Variants in RYR1 observed in about 807,000 individuals in gnomAD.
RYR1 encodes ryanodine receptor 1.
In RYR1, 342 loss-of-function variants were observed where a neutral mutation model predicts 583.5. The observed-to-expected ratio is 0.59, with a 90% confidence interval of 0.54 to 0.64. RYR1 has a LOEUF of 0.64. Among genes scored for constraint, RYR1 ranks in the 30% least tolerant of loss-of-function variants. RYR1 has a pLI of 0.00. For synonymous variants in RYR1, 2,791 were observed against 2,822.5 expected, an observed-to-expected ratio of 0.99 and a Z score of 0.35; for missense variants, 6,032 against 6,917.2, an observed-to-expected ratio of 0.87 and a Z score of 4.54.
intron 72 of RYR1, 33 bp from the exon 73 acceptor site, chr19:38,527,614 C>T (rs201567162): frequency 1.6e-4 from 257 of 1,613,128 alleles, no homozygotes; most frequent in Non-Finnish European, 2.1e-4. Flanking sequence ...GGAAGGGTCC[C>T]TCACGCCGGC....
intron 78 of RYR1, among the ~76,000 whole-genome samples, chr19:38,533,719 G>A (rs544265667): frequency 3.3e-5 from 5 of 150,924 alleles, no homozygotes; most frequent in Non-Finnish European, 5.9e-5. Context: ...TTGAACCCGC[G>A]AGGTGGAAGT....
chr19:38,496,750 A>G lies in RYR1; in HGVS notation c.6797-110A>G, dbSNP rs1023424537. On this transcript the variant is annotated intron_variant, in intron 41 of 105. Coordinates refer to ENST00000359596, the MANE Select transcript of RYR1 (RefSeq NM_000540.3). The surrounding 1 kb of genome is among the most constrained non-coding windows in gnomAD (Gnocchi z 4.8). ...CAGAGCTTGGATGAGGGAAGTACAGACCAGAGGAGGCACCTGATCCAGGCT... is the reference window on the plus strand; with the variant it reads ...CAGAGCTTGGATGAGGGAAGTACAGGCCAGAGGAGGCACCTGATCCAGGCT... 17 of 1,194,656 alleles carry G rather than the reference A, an allele frequency of 1.4e-5. No homozygotes were observed. In the African/African-American group the frequency reaches 2.6e-4, roughly 18 times the overall value. The allele number at this position is 1,194,656 out of a possible 1,614,324, so 74.0% of individuals were successfully genotyped here.
intron 92 of RYR1, 146 bp downstream of exon 92, chr19:38,567,133 C>G: frequency 7.6e-7 from 1 of 1,318,246 alleles, no homozygotes; most frequent in East Asian, 2.5e-5. Flanking sequence ...GGAGGAGGGG[C>G]TCTGAGTAAA....
rs2229142 is a variant in RYR1 at position 38,502,907 on chromosome 19, C to T, written c.7863C>T (p.His2621=). The part of the protein sequence containing the change: ...CRYIRPSMLQ[H]LLRRLVFDVP... Reference sequence around the variant, plus strand: ...ACATCCGCCCGTCGATGCTGCAGCACCTGTTGCGCCGCCTGGTGTTCGACG... The same window carrying T: ...ACATCCGCCCGTCGATGCTGCAGCATCTGTTGCGCCGCCTGGTGTTCGACG... The change falls in exon 49 of 106, where the codon CAC becomes CAT. Residue 2621 remains histidine (H), a synonymous_variant. Transcript: ENST00000359596. The T allele has an allele frequency of 0.15, 248,700 of 1,610,390 alleles. 21,001 individuals are homozygous for T. The highest frequency in any genetic ancestry group is 0.28 in the East Asian group (12,466 of 44,768).
chr19:38,586,254 G>T, intron 104 of RYR1, 63 bp downstream of exon 104: 1 of 1,457,374 alleles, frequency 6.9e-7, no homozygotes, highest in Non-Finnish European at 9.5e-7. Flanking sequence ...CCAGCAGTGG[G>T]GTACTTAGCT....
intron 13 of RYR1, among the ~76,000 whole-genome samples, chr19:38,453,318 G>A (rs930053962): frequency 6.6e-5 from 10 of 152,084 alleles, no homozygotes; most frequent in South Asian, 6.2e-4. Context: ...CTGAGGGGCG[G>A]GGCCTATGTG....
At chr19:38,554,871 T>G (rs1316158311) in intron 89 of RYR1, among the ~76,000 whole-genome samples, 1 of 152,198 alleles carries the variant, frequency 6.6e-6, no homozygotes, top group Non-Finnish European at 1.5e-5. Flanking sequence ...TGTCTCTTAA[T>G]TAAAACACTT....
At chr19:38,534,663 G>A (rs910237600) in intron 78 of RYR1, 57 bp from the exon 79 acceptor site, 2 of 1,470,414 alleles carry the variant, frequency 1.4e-6, no homozygotes, top group African/African-American at 2.8e-5. Context: ...AATGTGAGGG[G>A]GAAAGGCTGG....
At chr19:38,494,781 C>G (rs1391553337) in intron 39 of RYR1, among the ~76,000 whole-genome samples, 156 bp downstream of exon 39, 1 of 152,038 alleles carries the variant, frequency 6.6e-6, no homozygotes, top group Admixed American at 6.6e-5. Flanking sequence ...GTCTCCTTCC[C>G]TTACCTCTCC....
At chr19:38,570,534 A>G (rs1973667188) in intron 93 of RYR1, 73 bp from the exon 94 acceptor site, 17 of 1,105,050 alleles carry the variant, frequency 1.5e-5, no homozygotes, top group Non-Finnish European at 2.2e-5. Context: ...GATTGCAGGT[A>G]AATGATGGGA....
chr19:38,515,246 C>T (rs990649661), intron 64 of RYR1, 139 bp downstream of exon 64: 22 of 730,312 alleles, frequency 3.0e-5, no homozygotes, highest in South Asian at 6.3e-5. Context: ...CGGTTCCCCA[C>T]GGCGGCCGCG....
intron 48 of RYR1, 54 bp from the exon 49 acceptor site, chr19:38,502,826 G>C: frequency 6.5e-7 from 1 of 1,549,414 alleles, no homozygotes; most frequent in Non-Finnish European, 8.7e-7. Flanking sequence ...CAGGGGCAGG[G>C]GCAGCAGAGC....
At chr19:38,538,407 A>C (rs1972066849) in intron 84 of RYR1, among the ~76,000 whole-genome samples, 2 of 152,116 alleles carry the variant, frequency 1.3e-5, no homozygotes, top group African/African-American at 2.4e-5. Flanking sequence ...CTCAAAAAAA[A>C]ACCTCGCTGG....
chr19:38,550,955 T>A (rs934394009), intron 89 of RYR1, among the ~76,000 whole-genome samples: 2 of 150,658 alleles, frequency 1.3e-5, no homozygotes, highest in Admixed American at 1.3e-4. Flanking sequence ...TAAGAAAGAG[T>A]GTTTCCTTCT....
At position 38,587,563 on chromosome 19, in the gene RYR1, C is replaced by T; in HGVS notation, c.*143C>T. 1 of 772,212 alleles carries T rather than the reference C, an allele frequency of 1.3e-6. No individual in the cohort carries two copies. The highest frequency in any genetic ancestry group is 2.2e-6 in the Non-Finnish European group (1 of 445,732). 47.8% of individuals were successfully genotyped at this position (772,212 alleles called of 1,614,324 possible). A position where few individuals can be genotyped will look rare whatever the true frequency, so the allele number is the denominator to read the frequency against. ...AATAAATCTGTGCTACGCCCCCCAG[C>T]ATCACTGTGTTGGCCTGCTGAAATT... On this transcript the variant is annotated 3_prime_UTR_variant, in exon 106 of 106. Coordinates refer to ENST00000359596, the MANE Select transcript of RYR1 (RefSeq NM_000540.3).
chr19:38,502,794 G>A (rs1970227406), intron 48 of RYR1, 67 bp downstream of exon 48: 1 of 1,098,208 alleles, frequency 9.1e-7, no homozygotes, highest in Middle Eastern at 3.3e-4. Flanking sequence ...GGCAGGGGCA[G>A]GGGCAGGGGC....
At position 38,561,339 on chromosome 19, in the gene RYR1, T is replaced by C. The variant is rs1973128888; in HGVS notation, c.12509T>C (p.Leu4170Pro). 1 of 1,613,996 alleles carries C rather than the reference T, an allele frequency of 6.2e-7. No individual in the cohort carries two copies. Among genetic ancestry groups the C allele is most frequent in the Non-Finnish European group, 8.5e-7 (1 of 1,180,034 alleles). Residue 4170 changes from leucine (L) to proline (P), a missense_variant, in exon 90 of 106, where the codon CTT (leucine) becomes CCT (proline). Leu to Pro is a moderately conservative substitution (Grantham distance 98). Around this residue, in one of 11 missense-constraint regions of RYR1, gnomAD observed 753 missense variants for 759.6 expected, o/e 0.99. Transcript: ENST00000359596. The surrounding 1 kb of genome is among the most constrained non-coding windows in gnomAD (Gnocchi z 4.8). Reference sequence around the variant, plus strand: ...TTCCTGGAGCTGGCCGAGAGCATCCTTGAGTACTTCCGCCCCTACCTGGGC... The same window carrying C: ...TTCCTGGAGCTGGCCGAGAGCATCCCTGAGTACTTCCGCCCCTACCTGGGC... ...HNFLELAESI[L>P]EYFRPYLGRI...
At chr19:38,535,859 C>T in intron 81 of RYR1, 138 bp from the exon 82 acceptor site, 1 of 786,470 alleles carries the variant, frequency 1.3e-6, no homozygotes, top group Non-Finnish European at 2.2e-6. Context: ...CTCTTCATTT[C>T]TGCTTCCTCT....
In RYR1 at chr19:38,463,748, T is replaced by C. The variant is rs1271721543; in HGVS notation, c.2684T>C (p.Val895Ala). Residue 895 changes from valine to alanine, a missense_variant and splice_region_variant, in exon 22 of 106, where the codon GTT (valine) becomes GCT (alanine). Coordinates refer to ENST00000359596, the MANE Select transcript of RYR1 (RefSeq NM_000540.3). ...GAGTTGACCCTGGGTTTTCTCCAGG[T>C]TCGGGATGACAACAAGAGGCTGCAC... ...RIEQGWTYGP[V>A]RDDNKRLHPC... 6.2e-7 allele frequency: 1 copy of C among 1,613,916 alleles called. No individual in the cohort carries two copies. The highest frequency in any genetic ancestry group is 1.3e-5 in the African/African-American group (1 of 74,896).
Sources: allele counts gnomAD v4.1 joint callset (sites outside exome capture counted in the v4.1 genomes callset), GRCh38; gene constraint gnomAD v4.1.1; regional missense constraint gnomAD v4.1.1; non-coding constraint Gnocchi (gnomAD v3.1); transcripts MANE v1.5; gene names NCBI Gene and HGNC (gene_info 2026-07-23, HGNC 2026-07-21).